Variants in CTNNBL1 observed in about 807,000 individuals in gnomAD.
CTNNBL1 encodes catenin beta like 1, also known as beta-catenin-like protein 1.
Under a neutral mutation model 72.7 loss-of-function variants are expected in CTNNBL1, and 31 were observed. That is an observed-to-expected ratio of 0.43 (90% CI 0.32 to 0.58). The LOEUF (loss-of-function observed/expected upper bound fraction) is 0.58, where lower values mean the gene tolerates loss of function less well. Among genes scored for constraint, CTNNBL1 ranks in the 20% least tolerant of loss-of-function variants. CTNNBL1 has a pLI of 0.08. For missense variants in CTNNBL1, 534 were observed against 725.1 expected (o/e 0.74, Z 3.03); for synonymous variants, 240 against 267.3 (o/e 0.90, Z 1.00).
intron 5 of CTNNBL1, among the ~76,000 whole-genome samples, chr20:37,763,163 A>G (rs886484011): frequency 1.3e-5 from 2 of 152,228 alleles, no homozygotes; most frequent in Non-Finnish European, 2.9e-5. Context: ...TTATAAGTCA[A>G]TCAGGGTGAT....
intron 11 of CTNNBL1, among the ~76,000 whole-genome samples, chr20:37,826,997 C>T (rs542587732): frequency 6.6e-6 from 1 of 152,342 alleles, no homozygotes; most frequent in South Asian, 2.1e-4. Flanking sequence ...CCTTCCTGGG[C>T]AGATCCCTCC....
intron 15 of CTNNBL1, among the ~76,000 whole-genome samples, chr20:37,861,066 A>C (rs1231596633): frequency 6.6e-6 from 1 of 152,186 alleles, no homozygotes; most frequent in Non-Finnish European, 1.5e-5. Context: ...AATTGAAGCA[A>C]TGTGGAGTGG....
chr20:37,869,798 A>G (rs2072567455), intron 15 of CTNNBL1, among the ~76,000 whole-genome samples: 1 of 152,242 alleles, frequency 6.6e-6, no homozygotes, highest in Non-Finnish European at 1.5e-5. Flanking sequence ...TTATTTGAAC[A>G]TTTTCAGAGG....
intron 1 of CTNNBL1, among the ~76,000 whole-genome samples, chr20:37,729,567 C>T (rs143306339): frequency 4.6e-5 from 7 of 152,134 alleles, no homozygotes; most frequent in African/African-American, 7.2e-5. Flanking sequence ...TTTCTCCCCT[C>T]GGAGATAAAC....
intron 1 of CTNNBL1, among the ~76,000 whole-genome samples, chr20:37,718,793 A>G (rs1290492361): frequency 1.3e-5 from 2 of 152,252 alleles, no homozygotes; most frequent in Non-Finnish European, 2.9e-5. Context: ...AAAGCAGCAC[A>G]GGGATTTTAG....
At chr20:37,851,712 A>G (rs1483774222) in intron 13 of CTNNBL1, among the ~76,000 whole-genome samples, 1 of 152,254 alleles carries the variant, frequency 6.6e-6, no homozygotes, top group African/African-American at 2.4e-5. Context: ...AAAAGTAGAA[A>G]TAGTAATAGT....
intron 10 of CTNNBL1, among the ~76,000 whole-genome samples, chr20:37,799,778 C>T (rs2073808546): frequency 6.6e-6 from 1 of 152,130 alleles, no homozygotes; most frequent in South Asian, 2.1e-4. Context: ...GATTGATGGG[C>T]ATTTGTGAAT....
intron 5 of CTNNBL1, among the ~76,000 whole-genome samples, 200 bp downstream of exon 5, chr20:37,757,856 G>A (rs543418048): frequency 6.6e-6 from 1 of 152,132 alleles, no homozygotes; most frequent in Non-Finnish European, 1.5e-5. Context: ...TCAGGTAGAG[G>A]CCTCGCCCTT....
At position 37,751,676 on chromosome 20, in the gene CTNNBL1, G is replaced by A. The variant is rs546315189; in HGVS notation, c.466+5069G>A. Reference sequence around the variant, plus strand: ...CGTGTTATCCCAGAAGGTGCGTACAGTAGTCAAGGGTGCCTTGTGTTACAG... The same window carrying A: ...CGTGTTATCCCAGAAGGTGCGTACAATAGTCAAGGGTGCCTTGTGTTACAG... On this transcript the variant is annotated intron_variant, in intron 4 of 15. Coordinates refer to ENST00000361383, the MANE Select transcript of CTNNBL1 (RefSeq NM_030877.5). 4 of 152,338 alleles carry A rather than the reference G, an allele frequency of 2.6e-5. No homozygotes were observed. The East Asian group carries it at 5.8e-4, about 22-fold the overall frequency. 9.4% of individuals were successfully genotyped at this position (152,338 alleles called of 1,614,324 possible).
intron 13 of CTNNBL1, among the ~76,000 whole-genome samples, chr20:37,848,860 T>G (rs1362215033): frequency 6.6e-6 from 1 of 151,676 alleles, no homozygotes; most frequent in Non-Finnish European, 1.5e-5. Context: ...TGCCAGGGCC[T>G]CCCAAATCTC....
chr20:37,805,760 A>T (rs1346378163), intron 11 of CTNNBL1, among the ~76,000 whole-genome samples: 1 of 152,082 alleles, frequency 6.6e-6, no homozygotes, highest in Non-Finnish European at 1.5e-5. Context: ...ACTAGGATAG[A>T]ATCTTCTGTT....
intron 11 of CTNNBL1, among the ~76,000 whole-genome samples, chr20:37,820,447 T>C (rs1192641406): frequency 6.6e-6 from 1 of 152,144 alleles, no homozygotes; most frequent in Non-Finnish European, 1.5e-5. Flanking sequence ...CTACAGTCTA[T>C]CCTATGCTCC....
At chr20:37,864,136 G>T (rs1389786729) in intron 15 of CTNNBL1, among the ~76,000 whole-genome samples, 1 of 152,004 alleles carries the variant, frequency 6.6e-6, no homozygotes, top group Non-Finnish European at 1.5e-5. Context: ...TGGGAGGCTG[G>T]GCTCTTCTGG....
At chr20:37,783,602 A>C (rs1006681413) in intron 10 of CTNNBL1, among the ~76,000 whole-genome samples, 1 of 151,846 alleles carries the variant, frequency 6.6e-6, no homozygotes, top group African/African-American at 2.4e-5. Context: ...TTTCTTTCTT[A>C]ATTTCTTCAT....
intron 11 of CTNNBL1, among the ~76,000 whole-genome samples, chr20:37,827,395 A>C (rs868751498): frequency 1.3e-5 from 2 of 152,314 alleles, no homozygotes; most frequent in Middle Eastern, 3.4e-3. Context: ...AAGATCTTAT[A>C]ATTGAACTGA....
At chr20:37,771,361 G>T (rs529261690) in intron 7 of CTNNBL1, among the ~76,000 whole-genome samples, 5 of 152,122 alleles carry the variant, frequency 3.3e-5, no homozygotes, top group African/African-American at 1.2e-4. Context: ...CTTGTCTCAG[G>T]AAATGTGGAC....
intron 5 of CTNNBL1, among the ~76,000 whole-genome samples, chr20:37,764,990 A>G (rs1327689712): frequency 3.3e-5 from 5 of 152,212 alleles, no homozygotes; most frequent in African/African-American, 9.6e-5. Context: ...GAAGTTAGAG[A>G]TAATGATGCC....
chr20:37,870,824 G>A (rs1301144095), intron 15 of CTNNBL1, among the ~76,000 whole-genome samples: 1 of 152,108 alleles, frequency 6.6e-6, no homozygotes, highest in Non-Finnish European at 1.5e-5. Flanking sequence ...CTGTGGCCAC[G>A]CTGACCTCTT....
intron 15 of CTNNBL1, among the ~76,000 whole-genome samples, chr20:37,871,332 T>C (rs1361720567): frequency 6.6e-6 from 1 of 152,190 alleles, no homozygotes; most frequent in Non-Finnish European, 1.5e-5. Context: ...TCCCTGAGAC[T>C]GGGTAATTTA....
Sources: allele counts gnomAD v4.1 joint callset (sites outside exome capture counted in the v4.1 genomes callset), GRCh38; gene constraint gnomAD v4.1.1; transcripts MANE v1.5; gene names NCBI Gene and HGNC (gene_info 2026-07-23, HGNC 2026-07-21).